The following XCR1 variants were observed in gnomAD, a reference collection of about 807,000 sequenced individuals.
XCR1 encodes X-C motif chemokine receptor 1, also known as chemokine XC receptor 1.
For synonymous variants in XCR1, 187 were observed against 188.5 expected (o/e 0.99, Z 0.06); for missense variants, 356 against 424.2 (o/e 0.84, Z 1.41).
intron 2 of XCR1, among the ~76,000 whole-genome samples, chr3:46,075,530 A>T (rs1698243740): frequency 6.6e-6 from 1 of 152,130 alleles, no homozygotes; most frequent in Non-Finnish European, 1.5e-5. Context: ...TAAAAGAAAG[A>T]ATAGATAAAC....
chr3:46,064,898 C>G (rs1227843416), intron 4 of XCR1, among the ~76,000 whole-genome samples: 1 of 152,002 alleles, frequency 6.6e-6, no homozygotes, highest in Non-Finnish European at 1.5e-5. Context: ...TCAAGAACAG[C>G]CTGACCAACA....
chr3:46,056,638 T>C (rs1012340941), intron 4 of XCR1, among the ~76,000 whole-genome samples: 5 of 142,888 alleles, frequency 3.5e-5, no homozygotes, highest in Non-Finnish European at 7.6e-5. Context: ...CACACCTGGC[T>C]AATTTTTGTA....
Position 46,021,900 on chromosome 3 carries a change from G to T in XCR1, c.48C>A (p.Asp16Glu). The T allele has an allele frequency of 6.2e-7, 1 of 1,613,876 alleles. No individual in the cohort carries two copies. The highest frequency in any genetic ancestry group is 1.1e-5 in the South Asian group (1 of 91,024). ...NPESTTFFYY[D>E]LQSQPCENQA... ...GGTTCTCACACGGCTGGCTCTGAAGGTCATAGTAAAAAAAGGTGGTGCTCT... is the reference window on the plus strand; with the variant it reads ...GGTTCTCACACGGCTGGCTCTGAAGTTCATAGTAAAAAAAGGTGGTGCTCT... Residue 16 changes from aspartate (D) to glutamate (E), a missense_variant, in exon 2 of 2, where the codon GAC becomes GAA. Transcript: ENST00000309285. This position sits in a 1 kb window ranked among gnomAD's most constrained non-coding sequence, Gnocchi z 4.7.
Position 46,021,353 on chromosome 3 carries a change from C to T in XCR1, c.595G>A (p.Gly199Arg), listed in dbSNP as rs775865559. ...TCCACGTAGCAGAACAGGATAATCC[C>T]CAGGGACAGCAGGAAGAAGAGGTTG... Reference protein sequence around the residue: ...QHNLFFLLSLGIILFCYVEIL... With the variant: ...QHNLFFLLSLRIILFCYVEIL... Residue 199 changes from glycine to arginine, a missense_variant, in exon 2 of 2, where the codon GGG (glycine) becomes AGG (arginine). By Grantham distance (125) the Gly-to-Arg change is moderately radical. Transcript: ENST00000309285. The surrounding 1 kb of genome is among the most constrained non-coding windows in gnomAD (Gnocchi z 4.7). 6.2e-7 allele frequency: 1 copy of T among 1,614,146 alleles called. No individual in the cohort carries two copies. The highest frequency in any genetic ancestry group is 8.5e-7 in the Non-Finnish European group (1 of 1,180,034).
intron 1 of XCR1, among the ~76,000 whole-genome samples, chr3:46,080,059 T>G (rs943257420): frequency 3.4e-5 from 5 of 147,142 alleles, no homozygotes; most frequent in African/African-American, 1.3e-4. Context: ...GCTTAATTAT[T>G]TTGAACAGTT....
rs3053293 is a variant in XCR1 at position 46,076,577 on chromosome 3, G to GAAAA, written c.-328+159_-328+162dup. ...CTTAACAAATGGTAGCCATTATTTT[G>GAAAA]AAAAAAAAAAAAAAAATAGGATATC... On this transcript the variant is annotated intron_variant, in intron 2 of 5. Coordinates refer to the XCR1 transcript ENST00000683768. Among the ~76,000 whole-genome samples the GAAAA allele has an allele frequency of 8.1e-5, 11 of 135,814 alleles. No homozygotes were observed. The East Asian group carries it at 2.4e-3, about 30-fold the overall frequency. 89.1% of individuals were successfully genotyped at this position (135,814 alleles called of 152,430 possible). A position where few individuals can be genotyped will look rare whatever the true frequency, so the allele number is the denominator to read the frequency against.
At chr3:46,025,053 T>C (rs1436176281) in intron 1 of XCR1, among the ~76,000 whole-genome samples, 3 of 152,144 alleles carry the variant, frequency 2.0e-5, no homozygotes, top group African/African-American at 2.4e-5. Context: ...TGGAGAGAAA[T>C]TTATAGCTTT....
chr3:46,017,992 T>C lies in XCR1; in HGVS notation c.*2954A>G, dbSNP rs35454877. 30,289 of 152,170 alleles carry C rather than the reference T, an allele frequency of 0.2. 4,421 individuals are homozygous for C. The highest frequency in any genetic ancestry group is 0.4 in the African/African-American group (16,520 of 41,412). 9.4% of individuals were successfully genotyped at this position (152,170 alleles called of 1,614,324 possible). A position where few individuals can be genotyped will look rare whatever the true frequency, so the allele number is the denominator to read the frequency against. On this transcript the variant is annotated 3_prime_UTR_variant, in exon 2 of 2. Transcript: ENST00000309285. ...GAAACTCCTTTTCAGCAGTGTCATC[T>C]GCCACTCCCTCTCTGACTGGGTTAC...
chr3:46,062,764 A>G (rs1553634604), intron 4 of XCR1, among the ~76,000 whole-genome samples: 1 of 152,252 alleles, frequency 6.6e-6, no homozygotes, highest in Non-Finnish European at 1.5e-5. Flanking sequence ...CCTTGTGGAA[A>G]GGAGCAGAAA....
At chr3:46,073,387 G>C (rs113201552) in intron 3 of XCR1, among the ~76,000 whole-genome samples, 1 of 152,270 alleles carries the variant, frequency 6.6e-6, no homozygotes, top group African/African-American at 2.4e-5. Flanking sequence ...TTGAGGCCTG[G>C]AGTTCCAGAC....
upstream of XCR1, among the ~76,000 whole-genome samples, chr3:46,028,226 C>T (rs1708334753): frequency 6.6e-6 from 1 of 152,082 alleles, no homozygotes; most frequent in Non-Finnish European, 1.5e-5. Flanking sequence ...TGGAGCTCAC[C>T]AGTGGGGGGA....
chr3:46,043,501 G>A (rs1697571035), intron 5 of XCR1, among the ~76,000 whole-genome samples: 1 of 151,868 alleles, frequency 6.6e-6, no homozygotes, highest in African/African-American at 2.4e-5. Flanking sequence ...ACATGATAAA[G>A]TCCATATATG....
At chr3:46,028,710 C>T (rs568021338), upstream of XCR1, among the ~76,000 whole-genome samples, 7 of 151,986 alleles carry the variant, frequency 4.6e-5, no homozygotes, top group East Asian at 1.4e-3. Flanking sequence ...TCGCCTCAGC[C>T]TCCTAAGTAG....
chr3:46,049,250 C>A (rs115384135), intron 5 of XCR1, among the ~76,000 whole-genome samples: 1,937 of 152,280 alleles, frequency 0.013, 51 homozygotes, highest in African/African-American at 0.043. Context: ...CAGGGGCATG[C>A]TGGCAAGTAG....
At chr3:46,053,103 G>C (rs1697779283) in intron 5 of XCR1, among the ~76,000 whole-genome samples, 1 of 152,184 alleles carries the variant, frequency 6.6e-6, no homozygotes, top group Admixed American at 6.5e-5. Flanking sequence ...TTCCATGTCA[G>C]ATATGCGCTA....
At chr3:46,074,154 A>G (rs1698211929) in intron 3 of XCR1, among the ~76,000 whole-genome samples, 1 of 151,194 alleles carries the variant, frequency 6.6e-6, no homozygotes, top group South Asian at 2.1e-4. Flanking sequence ...TTTACAATAT[A>G]TATGCAATGG....
intron 1 of XCR1, chr3:46,024,143 T>A: frequency 1.5e-6 from 1 of 651,388 alleles, no homozygotes; most frequent in South Asian, 2.1e-5. Flanking sequence ...CTGAAAGGAT[T>A]TATGAATAAT....
Position 46,064,293 on chromosome 3 carries a change from G to A in XCR1, c.-183+2606C>T, listed in dbSNP as rs528824214. Among the ~76,000 whole-genome samples the A allele has an allele frequency of 1.4e-4, 21 of 152,270 alleles. No individual in the cohort carries two copies. In the South Asian group the frequency reaches 3.9e-3, roughly 29 times the overall value. ...TAGACTACAGTCTCCATAAGGGCAG[G>A]GATCATGTCTCTGTATTGTTCATTG... On this transcript the variant is annotated intron_variant, in intron 4 of 5. Coordinates refer to the XCR1 transcript ENST00000683768.
intron 4 of XCR1, among the ~76,000 whole-genome samples, chr3:46,066,878 T>A (rs2125902050): frequency 6.6e-6 from 1 of 152,278 alleles, no homozygotes; most frequent in East Asian, 1.9e-4. Flanking sequence ...TTAAATAAAT[T>A]AATATGAGTT....
Sources: gnomAD v4.1 joint callset for allele counts (sites outside exome capture counted in the v4.1 genomes callset) on GRCh38, gnomAD v4.1.1 for gene constraint, Gnocchi (gnomAD v3.1) non-coding constraint, MANE v1.5 for transcripts, NCBI Gene and HGNC (gene_info 2026-07-23, HGNC 2026-07-21) for gene names.